Variants in NYAP2 observed in about 807,000 individuals in gnomAD.
NYAP2 encodes neuronal tyrosine-phosphorylated phosphoinositide-3-kinase adaptor 2.
Under a neutral mutation model 50.4 loss-of-function variants are expected in NYAP2, and 23 were observed. The observed-to-expected ratio is 0.46, with a 90% CI of 0.33 to 0.65. The LOEUF (loss-of-function observed/expected upper bound fraction) is 0.65, where lower values mean the gene tolerates loss of function less well. Among genes scored for constraint, NYAP2 ranks in the 30% least tolerant of loss-of-function variants. NYAP2 has a pLI of 0.02. For missense variants in NYAP2, 885 were observed against 861.0 expected (o/e 1.03, Z -0.35); for synonymous variants, 394 against 365.2 (o/e 1.08, Z -0.90).
chr2:225,605,081 T>C (rs2106244061), intron 5 of NYAP2, among the ~76,000 whole-genome samples: 1 of 152,286 alleles, frequency 6.6e-6, no homozygotes, highest in East Asian at 1.9e-4. Context: ...TTCAGAAACA[T>C]TCATGAATGT....
chr2:225,662,291 T>C, the NYAP2 span, among the ~76,000 whole-genome samples: 1 of 152,242 alleles, frequency 6.6e-6, no homozygotes. Context: ...ACTAGTGCCA[T>C]GGGACATCAG....
intron 6 of NYAP2, 114 bp from the exon 7 acceptor site, chr2:225,651,318 A>T: frequency 7.3e-7 from 1 of 1,376,376 alleles, no homozygotes; most frequent in South Asian, 1.2e-5. Flanking sequence ...AAACATCAGG[A>T]GCATTTTGTA....
At chr2:225,656,651 C>T (rs1319885168), downstream of NYAP2, among the ~76,000 whole-genome samples, 3 of 152,084 alleles carry the variant, frequency 2.0e-5, no homozygotes, top group Admixed American at 2.0e-4. Flanking sequence ...TGAACATGCT[C>T]AGATGCCAGA....
chr2:225,425,641 T>G (rs933986440), intron 3 of NYAP2, among the ~76,000 whole-genome samples: 3 of 152,218 alleles, frequency 2.0e-5, no homozygotes, highest in Non-Finnish European at 4.4e-5. Flanking sequence ...CTATCTAATA[T>G]GTTTAAAAAT....
At position 225,582,580 on chromosome 2, in the gene NYAP2, C is replaced by T. The variant is rs753797313; in HGVS notation, c.1163C>T (p.Pro388Leu). ...CCCTCCACGCTGCCGTCCCACGTCCCCGGCCATGCGAAACTGGAGAAAGAG... is the reference window on the plus strand; with the variant it reads ...CCCTCCACGCTGCCGTCCCACGTCCTCGGCCATGCGAAACTGGAGAAAGAG... Residue 388 changes from proline to leucine, a missense_variant, in exon 5 of 7, where the codon CCC becomes CTC. Physicochemically the swap from Pro to Leu is moderately conservative, Grantham distance 98. Coordinates refer to ENST00000636099, the Ensembl canonical transcript of NYAP2. This position sits in a 1 kb window ranked among gnomAD's most constrained non-coding sequence, Gnocchi z 7.0. The T allele has an allele frequency of 1.3e-6, 2 of 1,598,946 alleles. No individual in the cohort carries two copies. Among genetic ancestry groups the T allele is most frequent in the Admixed American group, 3.4e-5 (2 of 58,444 alleles).
the NYAP2 span, among the ~76,000 whole-genome samples, chr2:225,666,242 A>T: frequency 2.6e-5 from 4 of 152,138 alleles, no homozygotes; most frequent in Non-Finnish European, 5.9e-5. Flanking sequence ...ACCACCAAGC[A>T]AACACCAATA....
the NYAP2 span, among the ~76,000 whole-genome samples, chr2:225,660,945 G>A: frequency 6.6e-6 from 1 of 152,166 alleles, no homozygotes. Flanking sequence ...AATATGTGCA[G>A]CTGTTTTCAT....
intron 3 of NYAP2, among the ~76,000 whole-genome samples, chr2:225,441,272 T>A (rs2106140873): frequency 6.6e-6 from 1 of 152,302 alleles, no homozygotes; most frequent in East Asian, 1.9e-4. Flanking sequence ...GACATATAAC[T>A]GGGAAAATGA....
chr2:225,619,934 T>C (rs2106252793), intron 5 of NYAP2, among the ~76,000 whole-genome samples: 4 of 152,368 alleles, frequency 2.6e-5, no homozygotes, highest in Admixed American at 2.6e-4. Flanking sequence ...AATGTGAGAA[T>C]TAGATTTTAG....
At chr2:225,677,344 A>G in the NYAP2 span, among the ~76,000 whole-genome samples, 1 of 152,166 alleles carries the variant, frequency 6.6e-6, no homozygotes, top group South Asian at 2.1e-4. Context: ...GCATAGAATC[A>G]TATCTTTGGC....
intron 6 of NYAP2, among the ~76,000 whole-genome samples, chr2:225,633,093 G>C (rs1198289381): frequency 6.6e-6 from 1 of 152,178 alleles, no homozygotes; most frequent in Non-Finnish European, 1.5e-5. Flanking sequence ...TATCAATTGA[G>C]TGGAAAGAGA....
rs1339296193 is a variant in NYAP2, at chr2:225,617,374, AGC to A, written c.1619-9542_1619-9541del. On this transcript the variant is annotated intron_variant, in intron 5 of 6. Transcript: ENST00000636099. ...AACCCGGGAGATGGAGGTTGCGGTG[AGC>A]CGAGATTGCACCATTGCACTCCAGC... 5.3e-5 allele frequency among the ~76,000 whole-genome samples: 8 copies of A among 152,272 alleles called. No homozygotes were observed. The East Asian group carries it at 1.5e-3, about 29-fold the overall frequency.
At chr2:225,569,551 G>A (rs1192994973) in intron 4 of NYAP2, among the ~76,000 whole-genome samples, 1 of 152,150 alleles carries the variant, frequency 6.6e-6, no homozygotes, top group Non-Finnish European at 1.5e-5. Context: ...ATTCCTGGGA[G>A]CAGGAATAAA....
At chr2:225,436,698 C>G (rs1689382313) in intron 3 of NYAP2, among the ~76,000 whole-genome samples, 1 of 149,438 alleles carries the variant, frequency 6.7e-6, no homozygotes, top group Non-Finnish European at 1.5e-5. Flanking sequence ...ACCCCAAACC[C>G]AACTCTCTAA....
At chr2:225,547,912 C>T (rs1332090330) in intron 4 of NYAP2, among the ~76,000 whole-genome samples, 2 of 152,144 alleles carry the variant, frequency 1.3e-5, no homozygotes, top group Non-Finnish European at 2.9e-5. Flanking sequence ...GCTGTATATT[C>T]TTGAAGGTCT....
intron 3 of NYAP2, among the ~76,000 whole-genome samples, chr2:225,439,562 A>C (rs1203542594): frequency 2.8e-4 from 42 of 152,324 alleles, no homozygotes; most frequent in Non-Finnish European, 2.9e-5. Flanking sequence ...ACACCAAGGC[A>C]ATGAGAGACA....
intron 3 of NYAP2, among the ~76,000 whole-genome samples, chr2:225,504,511 A>C (rs1690668449): frequency 6.6e-6 from 1 of 152,126 alleles, no homozygotes; most frequent in Admixed American, 6.6e-5. Flanking sequence ...AAAATGTCTT[A>C]TTTCATTTTA....
At chr2:225,440,187 T>C (rs1689447579) in intron 3 of NYAP2, among the ~76,000 whole-genome samples, 1 of 152,194 alleles carries the variant, frequency 6.6e-6, no homozygotes, top group African/African-American at 2.4e-5. Flanking sequence ...TTTTTTTACA[T>C]GAGGCTAGCA....
chr2:225,485,569 G>A (rs535082816), intron 3 of NYAP2, among the ~76,000 whole-genome samples: 8 of 152,236 alleles, frequency 5.3e-5, no homozygotes, highest in African/African-American at 1.9e-4. Flanking sequence ...TTTAAAAGCT[G>A]GACAATGGTG....
Sources: allele counts gnomAD v4.1 joint callset (sites outside exome capture counted in the v4.1 genomes callset), GRCh38; gene constraint gnomAD v4.1.1; non-coding constraint Gnocchi (gnomAD v3.1); transcripts MANE v1.5; gene names NCBI Gene and HGNC (gene_info 2026-07-23, HGNC 2026-07-21).